Variants in FAF1 observed in about 807,000 individuals in gnomAD.
FAF1 encodes FAS-associated factor 1.
In FAF1, 25 loss-of-function variants were observed where a neutral mutation model predicts 92.5. The observed-to-expected ratio is 0.27, with a 90% confidence interval of 0.20 to 0.38. The LOEUF is 0.38. Among genes scored for constraint, FAF1 ranks in the 10% least tolerant of loss-of-function variants. FAF1 has a pLI of 1.00. For missense variants in FAF1, 636 were observed against 793.3 expected (o/e 0.80, Z 2.38); for synonymous variants, 234 against 273.2 (o/e 0.86, Z 1.42).
intron 8 of FAF1, among the ~76,000 whole-genome samples, chr1:50,650,388 T>C (rs1225849905): frequency 6.6e-6 from 1 of 151,684 alleles, no homozygotes; most frequent in Non-Finnish European, 1.5e-5. Context: ...TGAGGATCAC[T>C]TGAGGCCAAG....
At chr1:50,788,350 C>T in intron 3 of FAF1, 145 bp from the exon 4 acceptor site, 1 of 659,504 alleles carries the variant, frequency 1.5e-6, no homozygotes, top group Non-Finnish European at 2.6e-6. Context: ...TTGAGTTCTA[C>T]TTCCTCCATA....
intron 1 of FAF1, among the ~76,000 whole-genome samples, chr1:50,901,047 A>G (rs1255151779): frequency 6.6e-6 from 1 of 152,250 alleles, no homozygotes; most frequent in Non-Finnish European, 1.5e-5. Context: ...AAAAGTAGAT[A>G]GAAAAATATG....
intron 1 of FAF1, among the ~76,000 whole-genome samples, chr1:50,913,231 TA>T (rs1471035904): frequency 4.6e-5 from 7 of 152,226 alleles, no homozygotes; most frequent in African/African-American, 1.7e-4. Flanking sequence ...TGGGACACAG[TA>T]GATTGTTCAA....
At chr1:50,839,194 A>T (rs1644236933) in intron 2 of FAF1, among the ~76,000 whole-genome samples, 1 of 152,124 alleles carries the variant, frequency 6.6e-6, no homozygotes, top group African/African-American at 2.4e-5. Flanking sequence ...CAGAAAAAAA[A>T]AGGAGTTCAT....
At chr1:50,790,781 ATATT>A (rs1333581973) in intron 3 of FAF1, among the ~76,000 whole-genome samples, 1 of 151,622 alleles carries the variant, frequency 6.6e-6, no homozygotes, top group African/African-American at 2.4e-5. Flanking sequence ...AAGCAGAAAA[ATATT>A]TATATTTATA....
intron 2 of FAF1, among the ~76,000 whole-genome samples, chr1:50,823,808 G>A (rs1644067954): frequency 6.6e-6 from 1 of 152,072 alleles, no homozygotes; most frequent in African/African-American, 2.4e-5. Context: ...AATTATTTGG[G>A]GGGTACAGAC....
chr1:50,701,353 G>C (rs1009886461), intron 7 of FAF1, among the ~76,000 whole-genome samples: 7 of 151,672 alleles, frequency 4.6e-5, no homozygotes, highest in African/African-American at 1.5e-4. Flanking sequence ...CTTCAGTTCT[G>C]TGCCAGCAAC....
intron 2 of FAF1, among the ~76,000 whole-genome samples, chr1:50,815,297 G>A (rs1231514850): frequency 1.3e-5 from 2 of 152,054 alleles, no homozygotes; most frequent in African/African-American, 4.8e-5. Flanking sequence ...AGTACCCAGT[G>A]TTTAGCTCCT....
At chr1:50,521,958 A>C (rs1314319540) in intron 15 of FAF1, among the ~76,000 whole-genome samples, 1 of 152,212 alleles carries the variant, frequency 6.6e-6, no homozygotes, top group African/African-American at 2.4e-5. Flanking sequence ...CATATATGAC[A>C]ATTATTAACT....
intron 18 of FAF1, among the ~76,000 whole-genome samples, chr1:50,464,285 G>A (rs760402502): frequency 6.6e-6 from 1 of 152,192 alleles, no homozygotes; most frequent in Non-Finnish European, 1.5e-5. Flanking sequence ...GAGATTATAG[G>A]TGTGAGCCAC....
chr1:50,753,068 A>G (rs545850586), intron 4 of FAF1, among the ~76,000 whole-genome samples: 3 of 152,230 alleles, frequency 2.0e-5, no homozygotes, highest in Non-Finnish European at 2.9e-5. Flanking sequence ...TCTAAATTTA[A>G]TAAGTTTAAA....
At chr1:50,649,423 T>A (rs556289488) in intron 8 of FAF1, among the ~76,000 whole-genome samples, 20 of 152,322 alleles carry the variant, frequency 1.3e-4, no homozygotes, top group African/African-American at 4.8e-4. Flanking sequence ...AGTGCTGGAT[T>A]ACAGGTGTGA....
At chr1:50,744,062 C>T (rs1659495221) in intron 5 of FAF1, among the ~76,000 whole-genome samples, 1 of 151,536 alleles carries the variant, frequency 6.6e-6, no homozygotes, top group Admixed American at 6.6e-5. Flanking sequence ...CAGAGCGAGA[C>T]TGTCTCAAAA....
At chr1:50,797,966 C>G (rs1661825075) in intron 3 of FAF1, among the ~76,000 whole-genome samples, 1 of 151,884 alleles carries the variant, frequency 6.6e-6, no homozygotes, top group African/African-American at 2.4e-5. Context: ...AACTCAGGCT[C>G]TTGGAAGGCA....
At chr1:50,856,046 A>T (rs1644388422) in intron 2 of FAF1, among the ~76,000 whole-genome samples, 1 of 151,794 alleles carries the variant, frequency 6.6e-6, no homozygotes, top group Non-Finnish European at 1.5e-5. Flanking sequence ...CTGTACTGAT[A>T]AAAATATTCA....
intron 18 of FAF1, among the ~76,000 whole-genome samples, chr1:50,471,582 A>G (rs1646572697): frequency 3.3e-5 from 5 of 152,240 alleles, no homozygotes. Flanking sequence ...AAAATATAAG[A>G]AAACAGTTTA....
At chr1:50,556,248 A>T (rs1649575687) in intron 13 of FAF1, among the ~76,000 whole-genome samples, 1 of 150,918 alleles carries the variant, frequency 6.6e-6, no homozygotes. Flanking sequence ...CAAAAAAAAA[A>T]AAAAAAAAAA....
At chr1:50,570,690 A>G (rs925299049) in intron 12 of FAF1, among the ~76,000 whole-genome samples, 2 of 152,248 alleles carry the variant, frequency 1.3e-5, no homozygotes, top group African/African-American at 2.4e-5. Flanking sequence ...AGCTTTCAAC[A>G]AAAAATTTTC....
At chr1:50,695,094 T>C (rs1657132993) in intron 7 of FAF1, among the ~76,000 whole-genome samples, 1 of 152,098 alleles carries the variant, frequency 6.6e-6, no homozygotes. Flanking sequence ...ACACATAGAT[T>C]CTTAACTTTC....
Sources: allele counts gnomAD v4.1 joint callset (sites outside exome capture counted in the v4.1 genomes callset), GRCh38; gene constraint gnomAD v4.1.1; transcripts MANE v1.5; gene names NCBI Gene and HGNC (gene_info 2026-07-23, HGNC 2026-07-21).